Variants in PAX7 observed in about 807,000 individuals in gnomAD.
PAX7 encodes the protein paired box protein Pax-7.
PAX7 carries 18 observed loss-of-function variants against 50.7 expected under a neutral mutation model. The observed-to-expected ratio is 0.36, with a 90% CI of 0.25 to 0.53. The LOEUF (loss-of-function observed/expected upper bound fraction) is 0.53. PAX7 is among the 20% of genes least tolerant of loss of function. PAX7 has a pLI of 0.93. For missense variants in PAX7, 644 were observed against 702.9 expected (o/e 0.92, Z 0.95); for synonymous variants, 310 against 290.4 (o/e 1.07, Z -0.69).
chr1:18,674,981 G>A (rs1339819553), intron 4 of PAX7, among the ~76,000 whole-genome samples: 1 of 152,156 alleles, frequency 6.6e-6, no homozygotes, highest in Non-Finnish European at 1.5e-5. Flanking sequence ...CTTGACAGCT[G>A]GTCTAGAAGA....
In PAX7 at chr1:18,635,208, A is replaced by G; in HGVS notation, c.419A>G (p.Asp140Gly). The stretch of plus-strand genomic sequence containing the variant: ...GAGATCCGGGACAGGCTGCTGAAGG[A>G]TGGGCACTGTGACCGAAGCACTGTG... ...SWEIRDRLLK[D>G]GHCDRSTVPS... is the part of the protein sequence containing the mutation. Residue 140 changes from aspartate to glycine, a missense_variant, in exon 3 of 9, where the codon GAT (aspartate) becomes GGT (glycine). By Grantham distance (94) the Asp-to-Gly change is moderately conservative. Transcript: ENST00000420770. 2 of 1,613,874 alleles carry G rather than the reference A, an allele frequency of 1.2e-6. No individual in the cohort carries two copies. Among genetic ancestry groups the G allele is most frequent in the Middle Eastern group, 1.6e-4 (1 of 6,062 alleles).
At chr1:18,709,659 C>G (rs115326690) in intron 7 of PAX7, among the ~76,000 whole-genome samples, 2,487 of 152,282 alleles carry the variant, frequency 0.016, 43 homozygotes, top group Non-Finnish European at 0.024. Flanking sequence ...GATGAGGAAA[C>G]CTTCCTTGTC....
intron 4 of PAX7, among the ~76,000 whole-genome samples, chr1:18,650,177 C>A (rs901865636): frequency 2.0e-5 from 3 of 152,200 alleles, no homozygotes; most frequent in Non-Finnish European, 4.4e-5. Flanking sequence ...GGAATCAGAG[C>A]CCTCAGGCTG....
chr1:18,713,586 T>C (rs988697124), intron 7 of PAX7, among the ~76,000 whole-genome samples: 1 of 152,216 alleles, frequency 6.6e-6, no homozygotes, highest in African/African-American at 2.4e-5. Flanking sequence ...GAAAGAAATA[T>C]GCATGGCTGT....
chr1:18,743,025 T>A (rs1931230879), intron 8 of PAX7, among the ~76,000 whole-genome samples: 1 of 152,184 alleles, frequency 6.6e-6, no homozygotes, highest in Non-Finnish European at 1.5e-5. Context: ...CCTCATCTGC[T>A]GCTTCATCCC....
intron 4 of PAX7, among the ~76,000 whole-genome samples, chr1:18,646,938 T>G (rs2088350818): frequency 8.2e-6 from 1 of 122,404 alleles, no homozygotes. Context: ...ACTTAGTGGA[T>G]GAAGTCAAGA....
intron 7 of PAX7, among the ~76,000 whole-genome samples, chr1:18,724,149 G>C (rs1423583467): frequency 2.0e-5 from 3 of 152,204 alleles, no homozygotes; most frequent in African/African-American, 7.2e-5. Context: ...CGGCTCCTCT[G>C]CAAACTCATT....
chr1:18,712,612 G>A (rs560748749), intron 7 of PAX7, among the ~76,000 whole-genome samples: 5 of 152,276 alleles, frequency 3.3e-5, no homozygotes, highest in Non-Finnish European at 5.9e-5. Flanking sequence ...GAGGCCTGGC[G>A]GATTGCCTGG....
rs1053554548 is a variant in PAX7 at position 18,631,628 on chromosome 1, C to T, written c.25C>T (p.Pro9Ser). MAALPGTV[P>S]RMMRPAPGQN... Reference sequence around the variant, plus strand: ...AATGGCGGCCCTTCCCGGCACGGTACCGAGAATGATGCGGCCGGCTCCGGG... The same window carrying T: ...AATGGCGGCCCTTCCCGGCACGGTATCGAGAATGATGCGGCCGGCTCCGGG... The change falls in exon 1 of 9, where the codon CCG (proline) becomes TCG (serine). Residue 9 changes from proline (P) to serine (S), a missense_variant. Transcript: ENST00000420770. The T allele has an allele frequency of 1.2e-6, 2 of 1,612,878 alleles. No homozygotes were observed. The highest frequency in any genetic ancestry group is 1.7e-6 in the Non-Finnish European group (2 of 1,179,854).
chr1:18,704,379 G>T (rs138474075), intron 7 of PAX7, among the ~76,000 whole-genome samples: 3,791 of 152,276 alleles, frequency 0.025, 72 homozygotes, highest in South Asian at 0.075. Context: ...CCAGCACTTT[G>T]GGAGGCCGAG....
intron 4 of PAX7, among the ~76,000 whole-genome samples, chr1:18,640,310 G>A (rs1404184981): frequency 6.6e-6 from 1 of 152,152 alleles, no homozygotes; most frequent in Non-Finnish European, 1.5e-5. Context: ...CTACACTGGA[G>A]GAAGCTGTTT....
intron 7 of PAX7, among the ~76,000 whole-genome samples, chr1:18,703,874 G>C (rs1314736626): frequency 6.6e-6 from 1 of 152,210 alleles, no homozygotes; most frequent in Non-Finnish European, 1.5e-5. Flanking sequence ...GATCTGAAGA[G>C]CCATAGTGTG....
intron 4 of PAX7, among the ~76,000 whole-genome samples, chr1:18,662,914 GAAA>G (rs56372683): frequency 6.8e-5 from 10 of 147,896 alleles, no homozygotes; most frequent in Non-Finnish European, 1.5e-4. Flanking sequence ...TTATTGTGAA[GAAA>G]AAAAAAAAAC....
chr1:18,744,795 A>G lies in PAX7; in HGVS notation c.1403-19A>G. On this transcript the variant is annotated intron_variant, in intron 8 of 8. Coordinates refer to ENST00000420770, the MANE Select transcript of PAX7 (RefSeq NM_001135254.2). ...CAAAAAGAACCTCAATTTCTAGGAG[A>G]GTCTCTTCTTTTTTCCAGCTGCTGT... is the stretch of plus-strand genomic sequence containing the variant. 1 of 1,437,520 alleles carries G rather than the reference A, an allele frequency of 7.0e-7. No homozygotes were observed. The highest frequency in any genetic ancestry group is 2.5e-5 in the East Asian group (1 of 40,356). 89.0% of individuals were successfully genotyped at this position (1,437,520 alleles called of 1,614,324 possible).
chr1:18,719,599 G>A (rs150248419), intron 7 of PAX7, among the ~76,000 whole-genome samples: 20 of 152,344 alleles, frequency 1.3e-4, no homozygotes, highest in African/African-American at 4.6e-4. Context: ...ACATGTCCAG[G>A]CTGAAATTGA....
intron 7 of PAX7, among the ~76,000 whole-genome samples, chr1:18,723,437 T>C (rs1331410196): frequency 6.6e-6 from 1 of 152,220 alleles, no homozygotes; most frequent in African/African-American, 2.4e-5. Flanking sequence ...CAGCCGAATA[T>C]GGGCACTGAG....
intron 5 of PAX7, among the ~76,000 whole-genome samples, chr1:18,694,313 G>A (rs1385528349): frequency 1.3e-5 from 2 of 151,794 alleles, no homozygotes; most frequent in African/African-American, 4.8e-5. Flanking sequence ...TACAAAATTA[G>A]CCGGGCATGC....
At chr1:18,693,155 TC>T (rs2089100313) in intron 5 of PAX7, among the ~76,000 whole-genome samples, 1 of 151,876 alleles carries the variant, frequency 6.6e-6, no homozygotes, top group Non-Finnish European at 1.5e-5. Flanking sequence ...AGGGGAAAGA[TC>T]CCCATTACCA....
At chr1:18,691,087 C>G (rs948262524) in intron 4 of PAX7, among the ~76,000 whole-genome samples, 1 of 152,144 alleles carries the variant, frequency 6.6e-6, no homozygotes, top group Admixed American at 6.5e-5. Flanking sequence ...AAGCGATTCT[C>G]CCACCTCAGC....
Sources: gnomAD v4.1 joint callset for allele counts (sites outside exome capture counted in the v4.1 genomes callset) on GRCh38, gnomAD v4.1.1 for gene constraint, MANE v1.5 for transcripts, NCBI Gene and HGNC (gene_info 2026-07-23, HGNC 2026-07-21) for gene names.